PNKD: variants seen among roughly 807,000 people sequenced by gnomAD.
PNKD encodes PNKD metallo-beta-lactamase domain containing.
In PNKD, 36 loss-of-function variants were observed where a neutral mutation model predicts 45.3. That is an observed-to-expected ratio of 0.80 (90% CI 0.61 to 1.05). The LOEUF (loss-of-function observed/expected upper bound fraction) is 1.05, where lower values mean the gene tolerates loss of function less well. Among genes scored for constraint, PNKD ranks in the 50% least tolerant of loss-of-function variants. The pLI is 0.00. For synonymous variants in PNKD, 197 were observed against 210.1 expected, an observed-to-expected ratio of 0.94 and a Z score of 0.54; for missense variants, 511 against 506.6, an observed-to-expected ratio of 1.01 and a Z score of -0.08.
At chr2:218,339,014 C>A (rs1574716970) in intron 2 of PNKD, among the ~76,000 whole-genome samples, 1 of 151,542 alleles carries the variant, frequency 6.6e-6, no homozygotes, top group South Asian at 2.1e-4. Context: ...CCAGGCTGGT[C>A]TCGAACTCCT....
At chr2:218,274,157 C>G (rs970302215) in intron 2 of PNKD, 1 of 154,982 alleles carries the variant, frequency 6.5e-6, no homozygotes, top group Non-Finnish European at 1.5e-5. Context: ...GAAGTGGATA[C>G]TTTGGGCAGA....
At chr2:218,306,468 T>C (rs2014615) in intron 2 of PNKD, among the ~76,000 whole-genome samples, 95,308 of 152,094 alleles carry the variant, frequency 0.63, 30,064 homozygotes, top group African/African-American at 0.69. Flanking sequence ...TGTGGAGTAC[T>C]TGAAACGGCC....
intron 2 of PNKD, among the ~76,000 whole-genome samples, chr2:218,291,560 C>T (rs1287808095): frequency 6.6e-6 from 1 of 152,114 alleles, no homozygotes; most frequent in East Asian, 1.9e-4. Context: ...AGGTAGAACC[C>T]CAAACTCCTG....
chr2:218,330,816 A>G (rs1319060032), intron 2 of PNKD, among the ~76,000 whole-genome samples: 2 of 152,252 alleles, frequency 1.3e-5, no homozygotes, highest in African/African-American at 4.8e-5. Context: ...GGCCCATCTT[A>G]GAGAAGCACT....
chr2:218,278,098 G>C (rs1016858794), intron 2 of PNKD: 1 of 1,109,860 alleles, frequency 9.0e-7, no homozygotes, highest in Non-Finnish European at 1.3e-6. Flanking sequence ...CAAGGAGGGA[G>C]GTTGGCATGG....
intron 2 of PNKD, among the ~76,000 whole-genome samples, chr2:218,332,267 G>C (rs546944751): frequency 6.6e-6 from 1 of 152,174 alleles, no homozygotes; most frequent in Admixed American, 6.5e-5. Context: ...GTGAGGCTGC[G>C]CTGGGGGCAG....
Position 218,339,863 on chromosome 2 carries a change from A to C in PNKD, c.317A>C (p.Lys106Thr). The change falls in exon 3 of 10, where the codon AAA becomes ACA. Residue 106 changes from lysine to threonine, a missense_variant. By Grantham distance (78) the Lys-to-Thr change is moderately conservative. Transcript: ENST00000273077. ...QLRRARNRYP[K>T]GHSKTQPRLF... ...CGCAGGGCTCGGAATCGCTACCCTAAAGGCCACTCGAAAACCCAGCCCCGC... is the reference window on the plus strand; with the variant it reads ...CGCAGGGCTCGGAATCGCTACCCTACAGGCCACTCGAAAACCCAGCCCCGC... 6.2e-7 allele frequency: 1 copy of C among 1,610,030 alleles called. No homozygotes were observed. The highest frequency in any genetic ancestry group is 8.5e-7 in the Non-Finnish European group (1 of 1,178,204).
At chr2:218,285,274 A>C (rs1373562214) in intron 2 of PNKD, among the ~76,000 whole-genome samples, 1 of 152,216 alleles carries the variant, frequency 6.6e-6, no homozygotes, top group African/African-American at 2.4e-5. Context: ...CACTTGGCCA[A>C]GATAACCTAG....
At chr2:218,279,248 C>A (rs776791368) in intron 2 of PNKD, 4 of 1,563,834 alleles carry the variant, frequency 2.6e-6, no homozygotes, top group Non-Finnish European at 3.5e-6. Flanking sequence ...ACCCTGAACC[C>A]CCAGGGCAGT....
rs1009160098 is a variant in PNKD at position 218,344,654 on chromosome 2, C to A, written c.984+84C>A. The A allele has an allele frequency of 2.9e-6, 4 of 1,400,166 alleles. No homozygotes were observed. The African/African-American group carries it at 4.2e-5, about 15-fold the overall frequency. The allele number at this position is 1,400,166 out of a possible 1,614,324, so 86.7% of individuals were successfully genotyped here. On this transcript the variant is annotated intron_variant, in intron 9 of 9. Coordinates refer to ENST00000273077, the MANE Select transcript of PNKD (RefSeq NM_015488.5). ...CCCATCCATGCTGACCCCAGGCCTG[C>A]GAGCACCTCCCCAAAACTCTGACCT...
chr2:218,323,197 C>A, intron 2 of PNKD: 1 of 1,386,726 alleles, frequency 7.2e-7, no homozygotes. Flanking sequence ...AGGTTCCCCG[C>A]GGGGGGCCGG....
intron 2 of PNKD, chr2:218,277,884 C>T: frequency 6.2e-7 from 1 of 1,610,608 alleles, no homozygotes; most frequent in East Asian, 2.2e-5. Context: ...TCCCTGGGAG[C>T]AGTCTCCCTC....
intron 2 of PNKD, among the ~76,000 whole-genome samples, chr2:218,293,927 TAAAAAA>T (rs56100300): frequency 5.9e-5 from 7 of 118,894 alleles, no homozygotes; most frequent in East Asian, 2.4e-4. Flanking sequence ...AACAGAGATT[TAAAAAA>T]AAAAAAAAAA....
rs1279661047 is a variant in PNKD, at chr2:218,346,651, C to T, written c.*1670C>T. 1.3e-5 allele frequency: 2 copies of T among 153,970 alleles called. No homozygotes were observed. The highest frequency in any genetic ancestry group is 4.8e-5 in the African/African-American group (2 of 41,450). The allele number at this position is 153,970 out of a possible 1,614,324, so 9.5% of individuals were successfully genotyped here. ...TATCACACTGTATTTTACTTGTTTA[C>T]ATGTTTGTCTCCCCTTCTAGACTGT... On this transcript the variant is annotated 3_prime_UTR_variant, in exon 10 of 10. Coordinates refer to ENST00000273077, the MANE Select transcript of PNKD (RefSeq NM_015488.5).
At chr2:218,332,345 C>G (rs901147151) in intron 2 of PNKD, among the ~76,000 whole-genome samples, 5 of 152,076 alleles carry the variant, frequency 3.3e-5, no homozygotes, top group Admixed American at 6.5e-5. Flanking sequence ...AATGCAACTG[C>G]GAGGACAGGG....
rs368934552 is a variant in PNKD at position 218,339,848 on chromosome 2, G to A, written c.302G>A (p.Arg101Gln). The A allele has an allele frequency of 1.4e-5, 22 of 1,613,008 alleles. No homozygotes were observed. Among genetic ancestry groups the A allele is most frequent in the East Asian group, 4.5e-5 (2 of 44,816 alleles). Reference sequence around the variant, plus strand: ...TACCGACAGCAGCTGCGCAGGGCTCGGAATCGCTACCCTAAAGGCCACTCG... The same window carrying A: ...TACCGACAGCAGCTGCGCAGGGCTCAGAATCGCTACCCTAAAGGCCACTCG... ...LFYRQQLRRA[R>Q]NRYPKGHSKT... The change falls in exon 3 of 10, where the codon CGG (arginine) becomes CAG (glutamine). Residue 101 changes from arginine (R) to glutamine (Q), a missense_variant. By Grantham distance (43) the Arg-to-Gln change is conservative. Coordinates refer to ENST00000273077, the MANE Select transcript of PNKD (RefSeq NM_015488.5).
In PNKD at chr2:218,339,913, C is replaced by G; in HGVS notation, c.352+15C>G. 1 of 1,565,506 alleles carries G rather than the reference C, an allele frequency of 6.4e-7. No individual in the cohort carries two copies. Among genetic ancestry groups the G allele is most frequent in the Non-Finnish European group, 8.8e-7 (1 of 1,139,914 alleles). On this transcript the variant is annotated intron_variant, in intron 3 of 9. Coordinates refer to ENST00000273077, the MANE Select transcript of PNKD (RefSeq NM_015488.5). ...CCTCTTCAATGGTGAGCTCTGACTG[C>G]CCCGGCCAGCATCCCCCATTCTGTG... is the stretch of plus-strand genomic sequence containing the variant.
At chr2:218,330,826 T>C (rs552907243) in intron 2 of PNKD, among the ~76,000 whole-genome samples, 3 of 152,346 alleles carry the variant, frequency 2.0e-5, no homozygotes, top group African/African-American at 7.2e-5. Flanking sequence ...AGAGAAGCAC[T>C]GTCCTGGATC....
chr2:218,344,462 G>C lies in PNKD; in HGVS notation c.876G>C (p.Glu292Asp), dbSNP rs752371418. ...GDDTLLWPGH[E>D]YAEENLGFAG... ...CCTCATGGCTGTCGGTAGGTCATGA[G>C]TATGCAGAGGAGAACCTGGGCTTTG... The change falls in exon 9 of 10, where the codon GAG becomes GAC. Residue 292 changes from glutamate (E) to aspartate (D), a missense_variant. By Grantham distance (45) the Glu-to-Asp change is conservative (BLOSUM62 2). Coordinates refer to ENST00000273077, the MANE Select transcript of PNKD (RefSeq NM_015488.5). 1 of 1,575,472 alleles carries C rather than the reference G, an allele frequency of 6.3e-7. No homozygotes were observed. The highest frequency in any genetic ancestry group is 1.3e-5 in the African/African-American group (1 of 74,272).
Sources: allele counts gnomAD v4.1 joint callset (sites outside exome capture counted in the v4.1 genomes callset), GRCh38; gene constraint gnomAD v4.1.1; transcripts MANE v1.5; gene names NCBI Gene and HGNC (gene_info 2026-07-23, HGNC 2026-07-21).